The following RBFOX1 variants were observed in gnomAD, a reference collection of about 807,000 sequenced individuals.
RBFOX1 encodes the protein RNA binding protein fox-1 homolog 1.
A neutral mutation model predicts 57.7 loss-of-function variants in RBFOX1; 8 were observed. That is an observed-to-expected ratio of 0.14 (90% confidence interval 0.08 to 0.25). RBFOX1 has a LOEUF of 0.25. Among genes scored for constraint, RBFOX1 ranks in the 10% least tolerant of loss-of-function variants. The pLI, the probability that RBFOX1 is intolerant of heterozygous loss-of-function variation, is 1.00. For synonymous variants in RBFOX1, 326 were observed against 222.4 expected, an observed-to-expected ratio of 1.47 and a Z score of -4.15; for missense variants, 611 against 548.5, an observed-to-expected ratio of 1.11 and a Z score of -1.14.
intron 3 of RBFOX1, among the ~76,000 whole-genome samples, chr16:6,685,182 A>C (rs1255320657): frequency 1.3e-5 from 2 of 152,068 alleles, no homozygotes; most frequent in African/African-American, 4.8e-5. Context: ...TGCTGTACTT[A>C]CTAACCAAAA....
intron 1 of RBFOX1, among the ~76,000 whole-genome samples, chr16:5,456,089 A>C (rs1293257107): frequency 6.6e-6 from 1 of 152,148 alleles, no homozygotes; most frequent in African/African-American, 2.4e-5. Flanking sequence ...ACTAATGATA[A>C]TATTATGGCA....
At chr16:7,332,869 T>G (rs559865421) in intron 4 of RBFOX1, 1 of 1,489,054 alleles carries the variant, frequency 6.7e-7, no homozygotes, top group Non-Finnish European at 8.9e-7. Context: ...CCGGCGTTGA[T>G]GAGTGCTTGG....
intron 4 of RBFOX1, among the ~76,000 whole-genome samples, chr16:7,189,208 G>C (rs2084697185): frequency 6.6e-6 from 1 of 151,886 alleles, no homozygotes; most frequent in African/African-American, 2.4e-5. Flanking sequence ...GGTAGATCAT[G>C]AGGTCAGGCG....
Position 6,757,998 on chromosome 16 carries a change from C to G in RBFOX1, c.-16+103348C>G, listed in dbSNP as rs117738148. ...GTTGGTTGTTTTTAATGCGGCAGAC[C>G]CTGTCCTCTATTACATTGAACTGTC... On this transcript the variant is annotated intron_variant, in intron 3 of 15. Coordinates refer to ENST00000550418, the MANE Select transcript of RBFOX1 (RefSeq NM_018723.4). Among the ~76,000 whole-genome samples, 817 of 152,134 alleles carry G rather than the reference C, an allele frequency of 5.4e-3. 20 individuals are homozygous for G. In the East Asian group the frequency reaches 0.075, roughly 14 times the overall value.
chr16:5,446,937 G>A (rs1196596753), intron 1 of RBFOX1, among the ~76,000 whole-genome samples: 2 of 152,060 alleles, frequency 1.3e-5, no homozygotes, highest in Non-Finnish European at 2.9e-5. Context: ...TCTGCAACAT[G>A]GATTACTAAC....
rs57044618 is a variant in RBFOX1 at position 6,377,273 on chromosome 16, CAA to C, written c.-64+60232_-64+60233del. Among the ~76,000 whole-genome samples the C allele has an allele frequency of 3.4e-4, 30 of 88,526 alleles. 2 individuals carry two copies. The highest frequency in any genetic ancestry group is 2.3e-3 in the East Asian group (7 of 3,042). The allele number at this position is 88,526 out of a possible 152,430, so 58.1% of individuals were successfully genotyped here. ...TGAGTGACAGAGTGAGACCCTGTCT[CAA>C]AAAAAAAAAAAAAAAGAAAAAGAAA... is the stretch of plus-strand genomic sequence containing the variant. On this transcript the variant is annotated intron_variant, in intron 2 of 15. Transcript: ENST00000550418.
chr16:7,477,553 G>A (rs1299241359), intron 4 of RBFOX1, among the ~76,000 whole-genome samples: 1 of 152,126 alleles, frequency 6.6e-6, no homozygotes, highest in Non-Finnish European at 1.5e-5. Flanking sequence ...AATGTACTAA[G>A]CGAACTTGAC....
At chr16:7,372,085 C>T (rs2097576731) in intron 4 of RBFOX1, among the ~76,000 whole-genome samples, 1 of 152,066 alleles carries the variant, frequency 6.6e-6, no homozygotes, top group South Asian at 2.1e-4. Context: ...TGTTAATTTC[C>T]TAGCAGTGTG....
At chr16:6,057,908 G>C (rs2095634932) in intron 1 of RBFOX1, among the ~76,000 whole-genome samples, 1 of 132,030 alleles carries the variant, frequency 7.6e-6, no homozygotes, top group African/African-American at 2.9e-5. Context: ...TTGAATTCCA[G>C]ATTCAGGACA....
At chr16:7,614,733 C>G (rs992795212) in intron 10 of RBFOX1, 1 of 152,130 alleles carries the variant, frequency 6.6e-6, no homozygotes, top group East Asian at 1.9e-4. Context: ...AAACTCAAAC[C>G]ATCAACAACA....
chr16:7,282,673 C>T (rs865914260), intron 4 of RBFOX1, among the ~76,000 whole-genome samples: 2 of 151,986 alleles, frequency 1.3e-5, no homozygotes, highest in African/African-American at 2.4e-5. Flanking sequence ...TTTGGGTGCA[C>T]CCATCACCTG....
At chr16:7,644,420 A>T (rs1333600551) in intron 11 of RBFOX1, among the ~76,000 whole-genome samples, 1 of 152,186 alleles carries the variant, frequency 6.6e-6, no homozygotes. Flanking sequence ...TCGTTCCTTG[A>T]ATTACTCCAG....
At chr16:6,079,462 C>T (rs2095965009) in intron 1 of RBFOX1, among the ~76,000 whole-genome samples, 1 of 152,174 alleles carries the variant, frequency 6.6e-6, no homozygotes, top group South Asian at 2.1e-4. Context: ...CATGTGTGTG[C>T]CACCATGCCT....
intron 3 of RBFOX1, among the ~76,000 whole-genome samples, chr16:6,769,257 A>C (rs7192090): frequency 6.6e-6 from 1 of 152,100 alleles, no homozygotes; most frequent in Non-Finnish European, 1.5e-5. Flanking sequence ...GCTGCCATCG[A>C]TGTAAGATGA....
intron 1 of RBFOX1, among the ~76,000 whole-genome samples, chr16:6,259,878 T>A (rs939268076): frequency 4.6e-5 from 7 of 151,632 alleles, no homozygotes; most frequent in African/African-American, 1.7e-4. Context: ...GGAGAATTGC[T>A]TGAACCCGAG....
At chr16:7,582,503 A>G (rs1366413717) in intron 6 of RBFOX1, among the ~76,000 whole-genome samples, 1 of 152,166 alleles carries the variant, frequency 6.6e-6, no homozygotes, top group Non-Finnish European at 1.5e-5. Flanking sequence ...TTTCCTGCCA[A>G]ACACCGGTGG....
rs539267543 is a variant in RBFOX1, at chr16:7,072,103, G to A, written c.27+20005G>A. On this transcript the variant is annotated intron_variant, in intron 4 of 15. Transcript: ENST00000550418. ...GTTCTCTAGTCTTTGTTCCTTTTAC[G>A]GTAAACATGTATCTTGAGCTGCCTG... Among the ~76,000 whole-genome samples, 5 of 152,082 alleles carry A rather than the reference G, an allele frequency of 3.3e-5. No homozygotes were observed. In the East Asian group the frequency reaches 7.7e-4, roughly 23 times the overall value.
chr16:7,065,289 G>C (rs2881358), intron 4 of RBFOX1, among the ~76,000 whole-genome samples: 7 of 151,910 alleles, frequency 4.6e-5, no homozygotes, highest in Admixed American at 1.3e-4. Flanking sequence ...GGTCCTTTTA[G>C]GGATGATCTG....
At chr16:6,626,254 G>A (rs1308463499) in intron 2 of RBFOX1, among the ~76,000 whole-genome samples, 1 of 150,166 alleles carries the variant, frequency 6.7e-6, no homozygotes, top group Non-Finnish European at 1.5e-5. Context: ...AACAAATGTT[G>A]CCCGGGTGTC....
Sources: gnomAD v4.1 joint callset for allele counts (sites outside exome capture counted in the v4.1 genomes callset) on GRCh38, gnomAD v4.1.1 for gene constraint, MANE v1.5 for transcripts, NCBI Gene and HGNC (gene_info 2026-07-23, HGNC 2026-07-21) for gene names.